RXRA: variants seen among roughly 807,000 people sequenced by gnomAD.
The protein encoded by RXRA is retinoid X receptor alpha, also known as retinoic acid receptor RXR-alpha.
RXRA carries 5 observed loss-of-function variants against 44.5 expected under a neutral mutation model. That is an observed-to-expected ratio of 0.11 (90% CI 0.06 to 0.24). The LOEUF (loss-of-function observed/expected upper bound fraction) is 0.24. Among genes scored for constraint, RXRA ranks in the 10% least tolerant of loss-of-function variants. RXRA has a pLI of 1.00. For synonymous variants in RXRA, 291 were observed against 271.4 expected, an observed-to-expected ratio of 1.07 and a Z score of -0.71; for missense variants, 412 against 646.5, an observed-to-expected ratio of 0.64 and a Z score of 3.93.
At position 134,426,413 on chromosome 9, in the gene RXRA, G is replaced by GT. The variant is rs1423582149; in HGVS notation, c.911-2694dup. On this transcript the variant is annotated intron_variant, in intron 6 of 9. Coordinates refer to ENST00000481739, the MANE Select transcript of RXRA (RefSeq NM_002957.6). The surrounding 1 kb of genome is among the most constrained non-coding windows in gnomAD (Gnocchi z 4.6). The stretch of plus-strand genomic sequence containing the variant: ...AAGGAGGAGGGCAGCTTACAAAGGT[G>GT]TGTGGGGCAGGAGAGGAGAAATAAC... 1.0e-6 allele frequency: 1 copy of GT among 985,354 alleles called. No homozygotes were observed. The highest frequency in any genetic ancestry group is 1.2e-6 in the Non-Finnish European group (1 of 829,944). The allele number at this position is 985,354 out of a possible 1,614,324, so 61.0% of individuals were successfully genotyped here.
Position 134,426,171 on chromosome 9 carries a change from G to A in RXRA, c.911-2937G>A. 1.0e-6 allele frequency: 1 copy of A among 985,414 alleles called. No individual in the cohort carries two copies. 61.0% of individuals were successfully genotyped at this position (985,414 alleles called of 1,614,324 possible). On this transcript the variant is annotated intron_variant, in intron 6 of 9. Coordinates refer to ENST00000481739, the MANE Select transcript of RXRA (RefSeq NM_002957.6). The surrounding 1 kb of genome is among the most constrained non-coding windows in gnomAD (Gnocchi z 4.6). ...GGCAAGACTCTTTGTCCTGCGCTTG[G>A]AGCCTGGAGTAAGACCTGGTATCCT...
intron 1 of RXRA, among the ~76,000 whole-genome samples, chr9:134,398,378 G>T (rs1250546178): frequency 1.2e-5 from 1 of 84,962 alleles, no homozygotes; most frequent in Non-Finnish European, 2.5e-5. Flanking sequence ...CCCACACACG[G>T]GGCCCTTTGC....
chr9:134,388,153 T>C (rs1451705870), intron 1 of RXRA, among the ~76,000 whole-genome samples: 2 of 152,054 alleles, frequency 1.3e-5, no homozygotes, highest in East Asian at 3.9e-4. Context: ...TTTGAGTTTG[T>C]ATTAAGTTAC....
intron 1 of RXRA, among the ~76,000 whole-genome samples, chr9:134,370,952 G>A (rs1172323316): frequency 2.0e-5 from 3 of 152,164 alleles, no homozygotes; most frequent in Admixed American, 6.5e-5. Flanking sequence ...TTCTTCCACT[G>A]GGTTCCACCT....
intron 1 of RXRA, among the ~76,000 whole-genome samples, chr9:134,388,080 T>C (rs529211272): frequency 6.6e-6 from 1 of 152,152 alleles, no homozygotes; most frequent in South Asian, 2.1e-4. Flanking sequence ...TTGGCTTTGG[T>C]TTACTCATCT....
intron 1 of RXRA, among the ~76,000 whole-genome samples, chr9:134,395,923 T>C (rs1830871097): frequency 2.0e-5 from 3 of 152,172 alleles, no homozygotes; most frequent in Admixed American, 1.3e-4. Flanking sequence ...AGCTGACACT[T>C]GGCCTGGAGG....
chr9:134,401,189 C>T lies in RXRA; in HGVS notation c.29-443C>T, dbSNP rs1190785598. On this transcript the variant is annotated intron_variant, in intron 1 of 9. Coordinates refer to ENST00000481739, the MANE Select transcript of RXRA (RefSeq NM_002957.6). ...CTGGTACACGGCAGGTGCTCGGCGA[C>T]ATCAGCCTTTCTGCCTTTCATGATT... is the stretch of plus-strand genomic sequence containing the variant. Among the ~76,000 whole-genome samples, 12 of 152,254 alleles carry T rather than the reference C, an allele frequency of 7.9e-5. No individual in the cohort carries two copies. The East Asian group carries it at 2.3e-3, about 29-fold the overall frequency.
At chr9:134,381,822 G>A (rs1317910274) in intron 1 of RXRA, among the ~76,000 whole-genome samples, 1 of 152,162 alleles carries the variant, frequency 6.6e-6, no homozygotes, top group African/African-American at 2.4e-5. Context: ...GGGGCGCACT[G>A]CACCTTAGGT....
At chr9:134,412,718 T>A (rs565225250) in intron 4 of RXRA, among the ~76,000 whole-genome samples, 42 of 151,900 alleles carry the variant, frequency 2.8e-4, no homozygotes, top group African/African-American at 9.2e-4. Flanking sequence ...GGGGCAGGGG[T>A]TGGGGGTCCC....
At chr9:134,390,342 G>C (rs1414553671) in intron 1 of RXRA, among the ~76,000 whole-genome samples, 1 of 152,174 alleles carries the variant, frequency 6.6e-6, no homozygotes, top group Admixed American at 6.5e-5. Flanking sequence ...GTCACTTGGC[G>C]GGAGGTCCAC....
At position 134,342,473 on chromosome 9, in the gene RXRA, C is replaced by A. The variant is rs1830097310; in HGVS notation, c.28+15814C>A. Among the ~76,000 whole-genome samples the A allele has an allele frequency of 1.3e-5, 2 of 152,210 alleles. No homozygotes were observed. Among genetic ancestry groups the A allele is most frequent in the South Asian group, 4.1e-4 (2 of 4,834 alleles). Reference sequence around the variant, plus strand: ...TGAGGCACAGAGAGCAGGGGTCCCCCAGGTGGTCAGGCCCCAGAGGCTTGC... The same window carrying A: ...TGAGGCACAGAGAGCAGGGGTCCCCAAGGTGGTCAGGCCCCAGAGGCTTGC... On this transcript the variant is annotated intron_variant, in intron 1 of 9. Transcript: ENST00000481739. This position sits in a 1 kb window ranked among gnomAD's most constrained non-coding sequence, Gnocchi z 4.4.
At chr9:134,404,653 G>C (rs1456228950) in intron 2 of RXRA, 2 of 152,742 alleles carry the variant, frequency 1.3e-5, no homozygotes, top group African/African-American at 4.8e-5. Flanking sequence ...GCGAGGCTGA[G>C]CGGGCTTCAC....
At chr9:134,419,483 C>A (rs1292212079) in intron 5 of RXRA, among the ~76,000 whole-genome samples, 1 of 152,194 alleles carries the variant, frequency 6.6e-6, no homozygotes, top group Non-Finnish European at 1.5e-5. Flanking sequence ...CTGAACGCTC[C>A]TCTGTGGACT....
At chr9:134,384,797 C>T (rs981766098) in intron 1 of RXRA, among the ~76,000 whole-genome samples, 1 of 152,196 alleles carries the variant, frequency 6.6e-6, no homozygotes, top group Admixed American at 6.5e-5. Flanking sequence ...CTTTTGTGGG[C>T]AGTGGGTTTC....
chr9:134,425,102 C>A, intron 6 of RXRA: 1 of 985,356 alleles, frequency 1.0e-6, no homozygotes, highest in Non-Finnish European at 1.2e-6. Context: ...CTGCTCACTC[C>A]GGGGAGTGTC....
chr9:134,374,164 C>T (rs569731198), intron 1 of RXRA: 3 of 152,350 alleles, frequency 2.0e-5, no homozygotes, highest in African/African-American at 4.8e-5. Context: ...GGGACAAGGA[C>T]GTTTAGAACC....
chr9:134,387,571 A>G (rs573812530), intron 1 of RXRA, among the ~76,000 whole-genome samples: 1 of 152,378 alleles, frequency 6.6e-6, no homozygotes, highest in East Asian at 1.9e-4. Context: ...TGTGCCGGGC[A>G]GTCTCTGGGA....
chr9:134,418,383 T>C (rs1413845993), intron 5 of RXRA, among the ~76,000 whole-genome samples: 11 of 152,194 alleles, frequency 7.2e-5, no homozygotes, highest in African/African-American at 2.4e-4. Context: ...TCTTCATCTG[T>C]GTCTCCGTGT....
intron 8 of RXRA, among the ~76,000 whole-genome samples, chr9:134,432,394 C>T (rs1005650044): frequency 2.0e-5 from 3 of 152,214 alleles, no homozygotes; most frequent in Non-Finnish European, 4.4e-5. Flanking sequence ...TCAGGCCTGC[C>T]GGGTGTTCCA....
Sources: gnomAD v4.1 joint callset for allele counts (sites outside exome capture counted in the v4.1 genomes callset) on GRCh38, gnomAD v4.1.1 for gene constraint, Gnocchi (gnomAD v3.1) non-coding constraint, MANE v1.5 for transcripts, NCBI Gene and HGNC (gene_info 2026-07-23, HGNC 2026-07-21) for gene names.